SLC37A1: variants seen among roughly 807,000 people sequenced by gnomAD.
The protein encoded by SLC37A1 is glucose-6-phosphate exchanger SLC37A1.
In SLC37A1, 49 loss-of-function variants were observed where a neutral mutation model predicts 75.3. That is an observed-to-expected ratio of 0.65 (90% CI 0.52 to 0.83). The LOEUF (loss-of-function observed/expected upper bound fraction) is 0.83. SLC37A1 is among the 40% of genes least tolerant of loss of function. The pLI is 0.00. For synonymous variants in SLC37A1, 268 were observed against 292.1 expected, an observed-to-expected ratio of 0.92 and a Z score of 0.84; for missense variants, 566 against 695.0, an observed-to-expected ratio of 0.81 and a Z score of 2.09.
chr21:42,500,501 G>A (rs1251592644), intron 1 of SLC37A1, among the ~76,000 whole-genome samples: 1 of 152,174 alleles, frequency 6.6e-6, no homozygotes, highest in African/African-American at 2.4e-5. Context: ...ACAAAGTAAA[G>A]CACTTAGTAA....
At position 42,548,868 on chromosome 21, in the gene SLC37A1, G is replaced by A. The variant is rs1200192360; in HGVS notation, c.768+1728G>A. Among the ~76,000 whole-genome samples, 1 of 152,144 alleles carries A rather than the reference G, an allele frequency of 6.6e-6. No individual in the cohort carries two copies. Among genetic ancestry groups the A allele is most frequent in the African/African-American group, 2.4e-5 (1 of 41,426 alleles). On this transcript the variant is annotated intron_variant, in intron 9 of 19. Coordinates refer to ENST00000352133, the MANE Select transcript of SLC37A1 (RefSeq NM_001320537.2). This position sits in a 1 kb window ranked among gnomAD's most constrained non-coding sequence, Gnocchi z 5.6. ...CCTGGGGCAGCACCTGGCCTCGTGC[G>A]GGAGGGGGGCCAGAGTCCTTTTTCT...
intron 10 of SLC37A1, among the ~76,000 whole-genome samples, chr21:42,556,726 G>C (rs2055700830): frequency 6.6e-6 from 1 of 152,206 alleles, no homozygotes; most frequent in South Asian, 2.1e-4. Flanking sequence ...CTCCAGCCTT[G>C]TCTTGGTCCA....
At chr21:42,576,718 A>C (rs571499686) in intron 18 of SLC37A1, among the ~76,000 whole-genome samples, 50 of 152,376 alleles carry the variant, frequency 3.3e-4, no homozygotes, top group African/African-American at 1.2e-3. Context: ...ACAACCAAAC[A>C]GGAGTTATAG....
chr21:42,559,572 C>T (rs1277021185), intron 11 of SLC37A1, among the ~76,000 whole-genome samples: 1 of 152,270 alleles, frequency 6.6e-6, no homozygotes. Flanking sequence ...GCTGGATTCT[C>T]TTTCCCTTTA....
chr21:42,533,239 C>A (rs2055039195), intron 3 of SLC37A1, among the ~76,000 whole-genome samples: 2 of 152,186 alleles, frequency 1.3e-5, no homozygotes, highest in Non-Finnish European at 2.9e-5. Context: ...CACGAGGACA[C>A]CCCTCTGGTA....
At chr21:42,575,259 T>G (rs1052264806) in intron 18 of SLC37A1, 1 of 984,852 alleles carries the variant, frequency 1.0e-6, no homozygotes, top group Non-Finnish European at 1.2e-6. Flanking sequence ...AAAATGGGCA[T>G]GATAATGGCA....
At chr21:42,517,373 G>A (rs948924906) in intron 1 of SLC37A1, among the ~76,000 whole-genome samples, 4 of 152,218 alleles carry the variant, frequency 2.6e-5, no homozygotes, top group African/African-American at 9.6e-5. Flanking sequence ...TAGGAGAAAG[G>A]TGTAGTTCTG....
intron 17 of SLC37A1, among the ~76,000 whole-genome samples, chr21:42,572,740 A>AGG (rs2056215927): frequency 7.4e-6 from 1 of 134,284 alleles, no homozygotes; most frequent in African/African-American, 2.8e-5. Context: ...CTCTGGGGGG[A>AGG]GGTTCAACTT....
intron 2 of SLC37A1, among the ~76,000 whole-genome samples, chr21:42,519,894 T>C (rs7284052): frequency 0.15 from 22,211 of 152,192 alleles, 2,367 homozygotes; most frequent in African/African-American, 0.3. Flanking sequence ...AATGTTCCTG[T>C]AGAACCGCTG....
In SLC37A1 at chr21:42,554,047, T is replaced by A. The variant is rs540846687; in HGVS notation, c.769-15T>A. ...TGAATCAGTATCGCTCTAATGAAACTTTTTTTTTTACCAGCACTCAAAAGG... is the reference window on the plus strand; with the variant it reads ...TGAATCAGTATCGCTCTAATGAAACATTTTTTTTTACCAGCACTCAAAAGG... On this transcript the variant is annotated splice_polypyrimidine_tract_variant and intron_variant, in intron 9 of 19. Coordinates refer to ENST00000352133, the MANE Select transcript of SLC37A1 (RefSeq NM_001320537.2). The A allele has an allele frequency of 3.9e-6, 5 of 1,267,074 alleles. No individual in the cohort carries two copies. Among genetic ancestry groups the A allele is most frequent in the African/African-American group, 3.0e-5 (2 of 65,644 alleles). The allele number at this position is 1,267,074 out of a possible 1,614,324, so 78.5% of individuals were successfully genotyped here. A position where few individuals can be genotyped will look rare whatever the true frequency, so the allele number is the denominator to read the frequency against.
Position 42,558,942 on chromosome 21 carries a change from A to G in SLC37A1, c.850-16A>G, listed in dbSNP as rs553740909. 52 of 1,613,366 alleles carry G rather than the reference A, an allele frequency of 3.2e-5. No homozygotes were observed. The highest frequency in any genetic ancestry group is 8.0e-5 in the African/African-American group (6 of 74,828). On this transcript the variant is annotated splice_polypyrimidine_tract_variant and intron_variant, in intron 10 of 19. Transcript: ENST00000352133. ...GTAACACCTTTCCTTTTTGTTCCCA[A>G]TGGATTTGCCTCCAGGACCCAGAGA...
intron 2 of SLC37A1, chr21:42,508,521 G>A (rs1315962218): frequency 1.3e-5 from 2 of 152,180 alleles, no homozygotes. Flanking sequence ...TGACTCCTTA[G>A]TTGATGGGTC....
At position 42,580,690 on chromosome 21, in the gene SLC37A1, G is replaced by A. The variant is rs1032053198; in HGVS notation, c.*330G>A. The A allele has an allele frequency of 6.6e-6, 2 of 303,992 alleles. No homozygotes were observed. Among genetic ancestry groups the A allele is most frequent in the Non-Finnish European group, 1.3e-5 (2 of 158,122 alleles). The allele number at this position is 303,992 out of a possible 1,614,324, so 18.8% of individuals were successfully genotyped here. ...CAACAAGGCCGGGAGGGTGGGGGGG[G>A]TGCACAGGTAGCCCCGACCCTCTCA... is the stretch of plus-strand genomic sequence containing the variant. On this transcript the variant is annotated 3_prime_UTR_variant, in exon 20 of 20. Coordinates refer to ENST00000352133, the MANE Select transcript of SLC37A1 (RefSeq NM_001320537.2).
At chr21:42,563,780 C>G in intron 12 of SLC37A1, 35 bp from the exon 13 acceptor site, 2 of 1,608,464 alleles carry the variant, frequency 1.2e-6, no homozygotes. Context: ...TGAAGGAGAT[C>G]CTCACTGTTT....
intron 12 of SLC37A1, among the ~76,000 whole-genome samples, chr21:42,562,456 A>C (rs937130632): frequency 1.3e-5 from 2 of 152,150 alleles, no homozygotes; most frequent in East Asian, 3.8e-4. Context: ...CCTGCGTTTA[A>C]ACGTGGGCTA....
At chr21:42,515,945 G>T (rs2054514130) in intron 1 of SLC37A1, among the ~76,000 whole-genome samples, 1 of 152,138 alleles carries the variant, frequency 6.6e-6, no homozygotes, top group African/African-American at 2.4e-5. Flanking sequence ...TTTTGGTAGA[G>T]ATGGGATTTT....
At chr21:42,508,191 C>T (rs1270972422) in intron 2 of SLC37A1, among the ~76,000 whole-genome samples, 1 of 142,360 alleles carries the variant, frequency 7.0e-6, no homozygotes, top group African/African-American at 2.6e-5. Flanking sequence ...TGCAATGGCG[C>T]AATCTCAGCT....
chr21:42,516,980 G>A (rs111792116), intron 1 of SLC37A1, among the ~76,000 whole-genome samples: 6 of 152,224 alleles, frequency 3.9e-5, no homozygotes, highest in East Asian at 1.9e-4. Context: ...TTGAGCAGAC[G>A]TGGTTTTGAA....
At chr21:42,562,857 C>A (rs115859672) in intron 12 of SLC37A1, among the ~76,000 whole-genome samples, 2 of 152,082 alleles carry the variant, frequency 1.3e-5, no homozygotes, top group Admixed American at 6.5e-5. Context: ...AGAAGACACA[C>A]GCTGGGCCGT....
Sources: allele counts gnomAD v4.1 joint callset (sites outside exome capture counted in the v4.1 genomes callset), GRCh38; gene constraint gnomAD v4.1.1; non-coding constraint Gnocchi (gnomAD v3.1); transcripts MANE v1.5; gene names NCBI Gene and HGNC (gene_info 2026-07-23, HGNC 2026-07-21).